The following GALK1 variants were observed in gnomAD, a reference collection of about 807,000 sequenced individuals.
GALK1 encodes galactokinase 1.
Under a neutral mutation model 38.6 loss-of-function variants are expected in GALK1, and 30 were observed. The ratio of observed to expected loss-of-function variants is 0.78; its 90% CI spans 0.58 to 1.05. The LOEUF is 1.05. Ranked by LOEUF, GALK1 falls within the 50% of genes least tolerant of loss-of-function variation. The probability of loss-of-function intolerance (pLI) is 0.00; values close to 1 mark genes in which losing one functional copy is unlikely to be tolerated. For missense variants in GALK1, 512 were observed against 540.5 expected (o/e 0.95, Z 0.52); for synonymous variants, 240 against 233.6 (o/e 1.03, Z -0.25).
chr17:75,757,131 C>G, downstream of GALK1: 2 of 1,612,906 alleles, frequency 1.2e-6, no homozygotes, highest in Non-Finnish European at 8.5e-7. Context: ...CTTTCCTTCA[C>G]CCCCACCCCT....
At chr17:75,764,933 G>C (rs2061604233) in intron 1 of GALK1, 39 bp downstream of exon 1, 1 of 1,587,228 alleles carries the variant, frequency 6.3e-7, no homozygotes, top group Non-Finnish European at 8.6e-7. Flanking sequence ...GGCCGGGACA[G>C]GCGGCGGCGG....
At chr17:75,760,567 A>T (rs2061583033) in intron 5 of GALK1, among the ~76,000 whole-genome samples, 1 of 150,330 alleles carries the variant, frequency 6.7e-6, no homozygotes, top group African/African-American at 2.4e-5. Flanking sequence ...GGAGTCCAAG[A>T]CCAGCCTGGC....
chr17:75,758,016 C>A lies in GALK1; in HGVS notation c.*40G>T, dbSNP rs769296629. On this transcript the variant is annotated 3_prime_UTR_variant, in exon 8 of 8. Transcript: ENST00000588479. ...GGCACAGAGCCGTGGGACTGGCCTG[C>A]AGGCCCCGCACCCTCACCGTGTGCT... The A allele has an allele frequency of 3.7e-6, 6 of 1,607,956 alleles. No homozygotes were observed. In the East Asian group the frequency reaches 1.3e-4, roughly 36 times the overall value.
At chr17:75,759,803 A>C (rs1160588982) in intron 5 of GALK1, among the ~76,000 whole-genome samples, 1 of 152,190 alleles carries the variant, frequency 6.6e-6, no homozygotes, top group Non-Finnish European at 1.5e-5. Context: ...GGAGCTGTCT[A>C]GTGTCCCTGA....
At chr17:75,755,126 G>A, downstream of GALK1, 2 of 1,610,888 alleles carry the variant, frequency 1.2e-6, no homozygotes, top group South Asian at 2.2e-5. Context: ...CCGGAGTCGG[G>A]CTCAGATGAA....
Position 75,765,120 on chromosome 17 carries a change from T to A in GALK1, c.17A>T (p.Gln6Leu). ...GGCCAGCAGCTCCGCGACCTGGGGC[T>A]GTCTCAAAGCAGCCATGACGCGCGC... The part of the protein sequence containing the change: MAALR[Q>L]PQVAELLAEA... The change falls in exon 1 of 8, where the codon CAG becomes CTG. Residue 6 changes from glutamine (Q) to leucine (L), a missense_variant. By Grantham distance (113) the Gln-to-Leu change is moderately radical. Transcript: ENST00000588479. 1 of 1,578,164 alleles carries A rather than the reference T, an allele frequency of 6.3e-7. No homozygotes were observed. Among genetic ancestry groups the A allele is most frequent in the East Asian group, 2.3e-5 (1 of 42,954 alleles).
At chr17:75,763,560 C>G (rs2061597511) in intron 2 of GALK1, 121 bp from the exon 3 acceptor site, 2 of 1,164,214 alleles carry the variant, frequency 1.7e-6, no homozygotes, top group Non-Finnish European at 2.5e-6. Context: ...GTGTGTGTCT[C>G]AATTGTCAGA....
chr17:75,763,261 G>A (rs1325944308), intron 3 of GALK1, 59 bp downstream of exon 3: 4 of 1,613,314 alleles, frequency 2.5e-6, no homozygotes, highest in African/African-American at 1.3e-5. Flanking sequence ...GTAGAAGCTG[G>A]GACCACCTGG....
At chr17:75,758,624 G>GCCGC (rs1429413999) in intron 5 of GALK1, 25 bp from the exon 6 acceptor site, 1 of 1,573,090 alleles carries the variant, frequency 6.4e-7, no homozygotes. Flanking sequence ...GGAGTCAGCA[G>GCCGC]CCGCCTTCTC....
At chr17:75,755,362 A>G (rs919081006), downstream of GALK1, 13 of 878,216 alleles carry the variant, frequency 1.5e-5, no homozygotes, top group African/African-American at 2.0e-4. Flanking sequence ...CACCTGCCCT[A>G]CCATCAGTGC....
Position 75,762,870 on chromosome 17 carries a change from G to C in GALK1, c.627C>G (p.Ser209Arg). The C allele has an allele frequency of 6.2e-7, 1 of 1,613,444 alleles. No homozygotes were observed. Among genetic ancestry groups the C allele is most frequent in the South Asian group, 1.1e-5 (1 of 91,084 alleles). Residue 209 changes from serine (S) to arginine (R), a missense_variant, in exon 5 of 8, where the codon AGC becomes AGG. Ser to Arg is a moderately radical substitution (Grantham distance 110). Transcript: ENST00000588479. ...GCTTGGGGTCCGAGAGTGGCACCAG[G>C]CTGGTCTCCAAGGACCTGGGGTGGA... ...LLIDCRSLET[S>R]LVPLSDPKLA...
At chr17:75,756,956 A>G (rs758381516), downstream of GALK1, 3 of 1,612,654 alleles carry the variant, frequency 1.9e-6, no homozygotes, top group Non-Finnish European at 2.5e-6. Context: ...CAGCCACCGC[A>G]TTCCGGGTGG....
At chr17:75,764,218 G>A (rs1042829709) in intron 1 of GALK1, 132 bp from the exon 2 acceptor site, 21 of 927,176 alleles carry the variant, frequency 2.3e-5, no homozygotes, top group Non-Finnish European at 3.3e-5. Context: ...CAGCGTCGCA[G>A]GGAAGATCCT....
downstream of GALK1, chr17:75,756,794 G>T (rs770271972): frequency 6.2e-7 from 1 of 1,612,592 alleles, no homozygotes; most frequent in Admixed American, 1.7e-5. Flanking sequence ...AGCTGGGAGC[G>T]GCCACGGAGG....
downstream of GALK1, chr17:75,754,890 G>C (rs951691918): frequency 1.2e-6 from 2 of 1,601,820 alleles, no homozygotes; most frequent in African/African-American, 2.7e-5. Context: ...TCGGGCTTCT[G>C]TCTGCTGTCC....
At chr17:75,758,918 A>G (rs1250966300) in intron 5 of GALK1, among the ~76,000 whole-genome samples, 2 of 152,008 alleles carry the variant, frequency 1.3e-5, no homozygotes, top group Non-Finnish European at 2.9e-5. Context: ...GCTGAGCCAC[A>G]TGGAGCCTCC....
downstream of GALK1, chr17:75,756,837 C>G: frequency 5.6e-6 from 9 of 1,612,372 alleles, no homozygotes; most frequent in Non-Finnish European, 7.6e-6. Flanking sequence ...ACCTGGTGAC[C>G]TGTGAGATGG....
At chr17:75,764,176 T>A in intron 1 of GALK1, 90 bp from the exon 2 acceptor site, 1 of 1,172,942 alleles carries the variant, frequency 8.5e-7, no homozygotes, top group South Asian at 1.3e-5. Flanking sequence ...TTCTGATGCC[T>A]CCACAGTCAT....
chr17:75,762,903 T>G lies in GALK1; in HGVS notation c.612-18A>C. The G allele has an allele frequency of 1.2e-6, 2 of 1,612,788 alleles. No homozygotes were observed. Among genetic ancestry groups the G allele is most frequent in the Non-Finnish European group, 8.5e-7 (1 of 1,179,828 alleles). ...CCAAGGACCTGGGGTGGAGTTACAA[T>G]GGGGGAGATGACGAGGCCAAGCGTG... On this transcript the variant is annotated intron_variant, in intron 4 of 7. Transcript: ENST00000588479.
Sources: allele counts gnomAD v4.1 joint callset (sites outside exome capture counted in the v4.1 genomes callset), GRCh38; gene constraint gnomAD v4.1.1; transcripts MANE v1.5; gene names NCBI Gene and HGNC (gene_info 2026-07-23, HGNC 2026-07-21).